Variants in CPQ observed in about 807,000 individuals in gnomAD.
The protein encoded by CPQ is Ser-Met dipeptidase.
In CPQ, 37 loss-of-function variants were observed where a neutral mutation model predicts 45.7. The observed-to-expected ratio is 0.81, with a 90% confidence interval of 0.62 to 1.07. The LOEUF (loss-of-function observed/expected upper bound fraction) is 1.07, where lower values mean the gene tolerates loss of function less well. CPQ is among the 50% of genes least tolerant of loss of function. The probability of loss-of-function intolerance (pLI) is 0.00; values close to 1 mark genes in which losing one functional copy is unlikely to be tolerated. For synonymous variants in CPQ, 186 were observed against 205.8 expected, an observed-to-expected ratio of 0.90 and a Z score of 0.82; for missense variants, 537 against 572.9, an observed-to-expected ratio of 0.94 and a Z score of 0.64.
At chr8:96,719,374 C>T (rs1206812487) in intron 1 of CPQ, among the ~76,000 whole-genome samples, 2 of 152,228 alleles carry the variant, frequency 1.3e-5, no homozygotes, top group Admixed American at 1.3e-4. Flanking sequence ...TGGCCGGCTG[C>T]TCCAAGTGCG....
In CPQ at chr8:96,789,649, C is replaced by T. The variant is rs187076952; in HGVS notation, c.433+4319C>T. On this transcript the variant is annotated intron_variant, in intron 2 of 7. Transcript: ENST00000220763. ...GCCAAATGCCTTGGAAGTTCCTTTT[C>T]TAATCACTTCTGAGAGGGTGCGGCC... is the stretch of plus-strand genomic sequence containing the variant. Among the ~76,000 whole-genome samples, 4 of 152,316 alleles carry T rather than the reference C, an allele frequency of 2.6e-5. No homozygotes were observed. In the East Asian group the frequency reaches 7.7e-4, roughly 29 times the overall value.
chr8:96,753,179 T>C (rs1166980054), intron 1 of CPQ, among the ~76,000 whole-genome samples: 1 of 152,138 alleles, frequency 6.6e-6, no homozygotes, highest in African/African-American at 2.4e-5. Flanking sequence ...TCCATATTGG[T>C]TTATGATGTA....
intron 4 of CPQ, among the ~76,000 whole-genome samples, chr8:96,885,591 A>G (rs1204969769): frequency 6.6e-6 from 1 of 152,192 alleles, no homozygotes; most frequent in African/African-American, 2.4e-5. Flanking sequence ...AAATGTGGTA[A>G]ATATCAGCTT....
chr8:96,773,461 C>A (rs1052451448), intron 1 of CPQ, among the ~76,000 whole-genome samples: 1 of 151,944 alleles, frequency 6.6e-6, no homozygotes, highest in Non-Finnish European at 1.5e-5. Flanking sequence ...TGTGATTTCT[C>A]CAAATGGAGA....
In CPQ at chr8:96,981,700, G is replaced by C. The variant is rs143251130; in HGVS notation, c.961+15654G>C. Among the ~76,000 whole-genome samples, 164 of 152,308 alleles carry C rather than the reference G, an allele frequency of 1.1e-3. 1 individual carries two copies. The highest frequency in any genetic ancestry group is 3.7e-3 in the African/African-American group (155 of 41,556). On this transcript the variant is annotated intron_variant, in intron 5 of 7. Transcript: ENST00000220763. The stretch of plus-strand genomic sequence containing the variant: ...AAACAATGGTTAAACTTATAAAGCA[G>C]AGGTTTTTGGTAAAGATGCAAAACA...
chr8:97,015,940 CATTT>C (rs1422776130), intron 5 of CPQ, among the ~76,000 whole-genome samples: 1 of 152,056 alleles, frequency 6.6e-6, no homozygotes, highest in African/African-American at 2.4e-5. Flanking sequence ...TGTATACATA[CATTT>C]GTTTACAAAA....
At chr8:96,666,947 T>A (rs1563696352) in intron 1 of CPQ, among the ~76,000 whole-genome samples, 1 of 152,236 alleles carries the variant, frequency 6.6e-6, no homozygotes. Context: ...CTTTCCCTTC[T>A]ATCAAGTCAT....
intron 1 of CPQ, among the ~76,000 whole-genome samples, chr8:96,774,044 G>A (rs1267971229): frequency 6.6e-6 from 1 of 152,114 alleles, no homozygotes; most frequent in African/African-American, 2.4e-5. Context: ...GCCGAGGTGG[G>A]CAGATCACCT....
chr8:96,934,704 A>C (rs975758517), intron 4 of CPQ, among the ~76,000 whole-genome samples: 1 of 152,156 alleles, frequency 6.6e-6, no homozygotes, highest in Admixed American at 6.5e-5. Context: ...AAGCCTACAA[A>C]ATATGCCCTG....
intron 1 of CPQ, among the ~76,000 whole-genome samples, chr8:96,724,431 T>A (rs991291374): frequency 6.6e-6 from 1 of 151,800 alleles, no homozygotes; most frequent in African/African-American, 2.4e-5. Context: ...TGCAGTAGTA[T>A]TTCTGTGCAT....
At chr8:96,669,583 G>A (rs1175486793) in intron 1 of CPQ, among the ~76,000 whole-genome samples, 1 of 152,050 alleles carries the variant, frequency 6.6e-6, no homozygotes, top group Non-Finnish European at 1.5e-5. Flanking sequence ...AAAAAACCTA[G>A]AGAAACAAAA....
chr8:96,924,168 G>C (rs1368066174), intron 4 of CPQ, among the ~76,000 whole-genome samples: 4 of 152,144 alleles, frequency 2.6e-5, no homozygotes, highest in Non-Finnish European at 5.9e-5. Flanking sequence ...TGGTTGGGGT[G>C]GGGGTAGGGG....
At chr8:96,753,263 G>T (rs930702963) in intron 1 of CPQ, among the ~76,000 whole-genome samples, 2 of 151,940 alleles carry the variant, frequency 1.3e-5, no homozygotes, top group African/African-American at 4.8e-5. Flanking sequence ...GTGTTAATTC[G>T]TCTGTTGATT....
rs371377418 is a variant in CPQ, at chr8:96,938,312, G to A, written c.850-27623G>A. 3.9e-5 allele frequency among the ~76,000 whole-genome samples: 6 copies of A among 152,256 alleles called. No homozygotes were observed. The East Asian group carries it at 7.7e-4, about 20-fold the overall frequency. On this transcript the variant is annotated intron_variant, in intron 4 of 7. Transcript: ENST00000220763. ...TTTGGAAGGCCAAGGTGGAAGAATC[G>A]CTTGAGGCTAGGAGTTTGAGGCTGC...
rs543917071 is a variant in CPQ, at chr8:96,740,548, A to G, written c.-34-44316A>G. Among the ~76,000 whole-genome samples the G allele has an allele frequency of 1.1e-3, 160 of 151,910 alleles. 1 individual carries two copies. Among genetic ancestry groups the G allele is most frequent in the African/African-American group, 3.6e-3 (149 of 41,344 alleles). On this transcript the variant is annotated intron_variant, in intron 1 of 7. Coordinates refer to ENST00000220763, the MANE Select transcript of CPQ (RefSeq NM_016134.4). Reference sequence around the variant, plus strand: ...GCATCCCTGTCTTATGCCAGTTTTCAAAGGGAATGCTTCCAGTTTTTGCCC... The same window carrying G: ...GCATCCCTGTCTTATGCCAGTTTTCGAAGGGAATGCTTCCAGTTTTTGCCC...
chr8:96,883,274 T>A (rs1232215426), intron 4 of CPQ, among the ~76,000 whole-genome samples: 1 of 152,194 alleles, frequency 6.6e-6, no homozygotes, highest in Non-Finnish European at 1.5e-5. Flanking sequence ...AATGTTTTCC[T>A]TTCTTCTGAG....
chr8:96,709,488 C>T lies in CPQ; in HGVS notation c.-35+64086C>T, dbSNP rs144195259. ...GTATAAATACCACATTTTCTTTATC[C>T]GCTTATCTGTTGATGAACACTTAGG... On this transcript the variant is annotated intron_variant, in intron 1 of 7. Coordinates refer to ENST00000220763, the MANE Select transcript of CPQ (RefSeq NM_016134.4). Among the ~76,000 whole-genome samples, 63 of 152,098 alleles carry T rather than the reference C, an allele frequency of 4.1e-4. 2 individuals carry two copies. Among genetic ancestry groups the T allele is most frequent in the East Asian group, 3.7e-3 (19 of 5,170 alleles).
At chr8:96,874,057 G>A (rs1054999539) in intron 3 of CPQ, among the ~76,000 whole-genome samples, 2 of 151,770 alleles carry the variant, frequency 1.3e-5, no homozygotes, top group South Asian at 4.1e-4. Flanking sequence ...TTCAAATGAT[G>A]TCACTTTTCA....
At chr8:97,067,636 T>A (rs1810662168) in intron 7 of CPQ, among the ~76,000 whole-genome samples, 1 of 152,230 alleles carries the variant, frequency 6.6e-6, no homozygotes, top group South Asian at 2.1e-4. Context: ...ATATTTTAAG[T>A]TTTAAGGTTT....
Sources: gnomAD v4.1 joint callset for allele counts (sites outside exome capture counted in the v4.1 genomes callset) on GRCh38, gnomAD v4.1.1 for gene constraint, MANE v1.5 for transcripts, NCBI Gene and HGNC (gene_info 2026-07-23, HGNC 2026-07-21) for gene names.